The following B4GALT5 variants were observed in gnomAD, a reference collection of about 807,000 sequenced individuals.
B4GALT5 encodes beta-1,4-galactosyltransferase 5, also known as UDP-Gal:beta-GlcNAc beta-1,4-galactosyltransferase 5.
In B4GALT5, 11 loss-of-function variants were observed where a neutral mutation model predicts 45.0. That is an observed-to-expected ratio of 0.24 (90% CI 0.15 to 0.40). The LOEUF is 0.40. B4GALT5 is among the 10% of genes least tolerant of loss of function. The pLI is 1.00. For missense variants in B4GALT5, 337 were observed against 500.2 expected (o/e 0.67, Z 3.11); for synonymous variants, 185 against 182.9 (o/e 1.01, Z -0.09).
chr20:49,691,077 T>C (rs1261244915), intron 1 of B4GALT5, among the ~76,000 whole-genome samples: 1 of 152,214 alleles, frequency 6.6e-6, no homozygotes, highest in East Asian at 1.9e-4. Flanking sequence ...TGGTAAATGA[T>C]CAACCGGGTG....
At chr20:49,661,570 A>G (rs750967881) in intron 1 of B4GALT5, among the ~76,000 whole-genome samples, 2 of 152,166 alleles carry the variant, frequency 1.3e-5, no homozygotes, top group African/African-American at 2.4e-5. Context: ...CTTTCTAATA[A>G]TATGGTCCTG....
At chr20:49,683,497 G>A (rs1320556811) in intron 1 of B4GALT5, among the ~76,000 whole-genome samples, 8 of 149,528 alleles carry the variant, frequency 5.4e-5, no homozygotes, top group South Asian at 2.1e-4. Context: ...GGGTTCAAGC[G>A]ATTCTCATGT....
At chr20:49,648,472 C>T (rs2085607995) in intron 2 of B4GALT5, among the ~76,000 whole-genome samples, 1 of 152,192 alleles carries the variant, frequency 6.6e-6, no homozygotes, top group South Asian at 2.1e-4. Flanking sequence ...TTTGCTCCTA[C>T]TTCCCATATT....
intron 2 of B4GALT5, among the ~76,000 whole-genome samples, chr20:49,647,751 T>C (rs1241860793): frequency 1.3e-5 from 2 of 152,198 alleles, no homozygotes; most frequent in Admixed American, 1.3e-4. Context: ...CATTTCCTCC[T>C]AAGACATACA....
chr20:49,663,690 A>AAAAATATATATAT (rs1555812124), intron 1 of B4GALT5, among the ~76,000 whole-genome samples: 1 of 96,962 alleles, frequency 1.0e-5, no homozygotes, highest in African/African-American at 4.5e-5. Context: ...AAAAAAAAAA[A>AAAAATATATATAT]ATATATACAT....
At chr20:49,658,101 T>A (rs1815432931) in intron 1 of B4GALT5, among the ~76,000 whole-genome samples, 1 of 152,188 alleles carries the variant, frequency 6.6e-6, no homozygotes, top group African/African-American at 2.4e-5. Flanking sequence ...CGGCCTTGCA[T>A]TGATTGGGAG....
At chr20:49,684,332 G>A (rs1249407281) in intron 1 of B4GALT5, among the ~76,000 whole-genome samples, 1 of 152,136 alleles carries the variant, frequency 6.6e-6, no homozygotes, top group Non-Finnish European at 1.5e-5. Flanking sequence ...GGAGGCTGAG[G>A]CAGGCGGATC....
At chr20:49,704,748 A>ACC (rs969392389) in intron 1 of B4GALT5, among the ~76,000 whole-genome samples, 2 of 151,344 alleles carry the variant, frequency 1.3e-5, no homozygotes, top group African/African-American at 4.9e-5. Flanking sequence ...ACAAAAAAAA[A>ACC]CCACAACATT....
chr20:49,634,653 C>G lies in B4GALT5; in HGVS notation c.*1659G>C, dbSNP rs2085542211. ...TCAAGGTGGGCGGATTGCTTGAGTC[C>G]AGGAGTTCGAGACCAGCCTGGGCAA... On this transcript the variant is annotated 3_prime_UTR_variant, in exon 9 of 9. Coordinates refer to ENST00000371711, the MANE Select transcript of B4GALT5 (RefSeq NM_004776.4). 1 of 152,220 alleles carries G rather than the reference C, an allele frequency of 6.6e-6. No individual in the cohort carries two copies. The highest frequency in any genetic ancestry group is 1.5e-5 in the Non-Finnish European group (1 of 68,126). 9.4% of individuals were successfully genotyped at this position (152,220 alleles called of 1,614,324 possible). A position where few individuals can be genotyped will look rare whatever the true frequency, so the allele number is the denominator to read the frequency against.
intron 1 of B4GALT5, among the ~76,000 whole-genome samples, chr20:49,706,864 C>T (rs908968990): frequency 2.4e-4 from 37 of 152,016 alleles, no homozygotes; most frequent in Non-Finnish European, 1.9e-4. Flanking sequence ...TTAGATGTGC[C>T]GAACATACTT....
At chr20:49,655,675 T>A (rs2085639596) in intron 2 of B4GALT5, among the ~76,000 whole-genome samples, 1 of 151,952 alleles carries the variant, frequency 6.6e-6, no homozygotes, top group Non-Finnish European at 1.5e-5. Flanking sequence ...ATGCCTGTAG[T>A]CCCAGCACTT....
In B4GALT5 at chr20:49,636,473, G is replaced by C. The variant is rs750513181; in HGVS notation, c.1020-14C>G. On this transcript the variant is annotated splice_polypyrimidine_tract_variant and intron_variant, in intron 8 of 8. Transcript: ENST00000371711. ...AGCAGAGCATACCTGTTTAGGGAGGGAACAGAGAAGAGGTGGCTCTGAGTG... is the reference window on the plus strand; with the variant it reads ...AGCAGAGCATACCTGTTTAGGGAGGCAACAGAGAAGAGGTGGCTCTGAGTG... 12 of 1,613,646 alleles carry C rather than the reference G, an allele frequency of 7.4e-6. No homozygotes were observed. The South Asian group carries it at 1.2e-4, about 16-fold the overall frequency.
At chr20:49,667,869 C>T (rs2085698615) in intron 1 of B4GALT5, among the ~76,000 whole-genome samples, 1 of 152,106 alleles carries the variant, frequency 6.6e-6, no homozygotes, top group East Asian at 1.9e-4. Flanking sequence ...TTTAAATCTG[C>T]TTAAAATGCT....
chr20:49,694,858 A>ACC (rs763497757), intron 1 of B4GALT5, among the ~76,000 whole-genome samples: 4 of 150,756 alleles, frequency 2.7e-5, no homozygotes, highest in African/African-American at 4.9e-5. Context: ...ACACACACAC[A>ACC]CCCCTGAAGC....
chr20:49,666,752 G>GT (rs2085692349), intron 1 of B4GALT5, among the ~76,000 whole-genome samples: 1 of 152,250 alleles, frequency 6.6e-6, no homozygotes, highest in Non-Finnish European at 1.5e-5. Context: ...CCATGCTAGA[G>GT]TATCTGCAAA....
intron 7 of B4GALT5, 134 bp from the exon 8 acceptor site, chr20:49,637,576 A>G (rs1406637220): frequency 6.2e-6 from 4 of 645,028 alleles, no homozygotes; most frequent in Non-Finnish European, 1.1e-5. Context: ...TAACTGACTC[A>G]TTGTGTCATT....
At chr20:49,688,375 T>C (rs1468954971) in intron 1 of B4GALT5, among the ~76,000 whole-genome samples, 2 of 152,072 alleles carry the variant, frequency 1.3e-5, no homozygotes, top group East Asian at 1.9e-4. Flanking sequence ...GGACACACCA[T>C]GGGGGAAGGG....
rs2085602926 is a variant in B4GALT5 at position 49,647,228 on chromosome 20, T to G, written c.251-150A>C. 7.3e-6 allele frequency: 4 copies of G among 545,534 alleles called. No homozygotes were observed. In the South Asian group the frequency reaches 7.7e-5, roughly 11 times the overall value. 33.8% of individuals were successfully genotyped at this position (545,534 alleles called of 1,614,324 possible). A position where few individuals can be genotyped will look rare whatever the true frequency, so the allele number is the denominator to read the frequency against. On this transcript the variant is annotated intron_variant, in intron 2 of 8. Coordinates refer to ENST00000371711, the MANE Select transcript of B4GALT5 (RefSeq NM_004776.4). ...ACTACCGCTTTGATGCAGCTAAAAA[T>G]GTGAACCCATCAATAAAAATGTCAG...
intron 1 of B4GALT5, among the ~76,000 whole-genome samples, chr20:49,672,548 A>G (rs2085720370): frequency 6.7e-6 from 1 of 149,724 alleles, no homozygotes; most frequent in Non-Finnish European, 1.5e-5. Flanking sequence ...TCTGTCATCT[A>G]TTATGACAGA....
Sources: allele counts gnomAD v4.1 joint callset (sites outside exome capture counted in the v4.1 genomes callset), GRCh38; gene constraint gnomAD v4.1.1; transcripts MANE v1.5; gene names NCBI Gene and HGNC (gene_info 2026-07-23, HGNC 2026-07-21).